KDM4C: variants seen among roughly 807,000 people sequenced by gnomAD.
The protein encoded by KDM4C is lysine demethylase 4C.
In KDM4C, 81 loss-of-function variants were observed where a neutral mutation model predicts 129.3. The observed-to-expected ratio is 0.63, with a 90% CI of 0.52 to 0.75. The LOEUF (loss-of-function observed/expected upper bound fraction) is 0.75, where lower values mean the gene tolerates loss of function less well. KDM4C is among the 30% of genes least tolerant of loss of function. The probability of loss-of-function intolerance (pLI) is 0.00; values close to 1 mark genes in which losing one functional copy is unlikely to be tolerated. For missense variants in KDM4C, 1,457 were observed against 1,304.0 expected, an observed-to-expected ratio of 1.12 and a Z score of -1.81; for synonymous variants, 573 against 456.1, an observed-to-expected ratio of 1.26 and a Z score of -3.26.
chr9:7,027,928 C>G (rs80217487), intron 15 of KDM4C, among the ~76,000 whole-genome samples: 155 of 152,272 alleles, frequency 1.0e-3, no homozygotes, highest in African/African-American at 3.7e-3. Flanking sequence ...AGTTAAGGCC[C>G]TAGGGCTCTT....
chr9:6,722,503 C>T (rs911316810), intron 1 of KDM4C, among the ~76,000 whole-genome samples: 3 of 149,176 alleles, frequency 2.0e-5, no homozygotes, highest in South Asian at 2.1e-4. Context: ...CATGGCAAAA[C>T]CCTATGTCTA....
intron 8 of KDM4C, among the ~76,000 whole-genome samples, chr9:6,975,608 CTT>C (rs1369232573): frequency 6.6e-6 from 1 of 152,082 alleles, no homozygotes; most frequent in Non-Finnish European, 1.5e-5. Context: ...TTAAGGGACT[CTT>C]ATTCTCTAGG....
intron 1 of KDM4C, among the ~76,000 whole-genome samples, chr9:6,748,167 A>G (rs867239413): frequency 2.0e-4 from 23 of 117,730 alleles, no homozygotes; most frequent in Non-Finnish European, 2.2e-4. Context: ...CTTGGTCTCA[A>G]AAAAAAAACA....
chr9:6,992,545 A>G (rs1290812754), intron 12 of KDM4C, among the ~76,000 whole-genome samples: 1 of 152,206 alleles, frequency 6.6e-6, no homozygotes, highest in Non-Finnish European at 1.5e-5. Context: ...AAGCTTTCAA[A>G]CTGGCAACAG....
intron 17 of KDM4C, among the ~76,000 whole-genome samples, chr9:7,055,992 C>T (rs1024973792): frequency 1.3e-4 from 20 of 152,138 alleles, no homozygotes; most frequent in South Asian, 6.2e-4. Context: ...TAAAGGCAAT[C>T]AGAAAAAGTC....
chr9:7,040,377 G>C (rs1032799155), intron 15 of KDM4C, among the ~76,000 whole-genome samples: 1 of 86,582 alleles, frequency 1.2e-5, no homozygotes, highest in Non-Finnish European at 2.5e-5. Context: ...CTCTGTGTGT[G>C]TGTGTGTGTG....
chr9:7,147,683 G>A (rs1252437957), intron 19 of KDM4C, among the ~76,000 whole-genome samples: 3 of 152,206 alleles, frequency 2.0e-5, no homozygotes, highest in Admixed American at 2.0e-4. Context: ...AGTCATCAGG[G>A]CCGATGTTGG....
At position 6,852,304 on chromosome 9, in the gene KDM4C, A is replaced by G. The variant is rs148164652; in HGVS notation, c.629+2604A>G. Reference sequence around the variant, plus strand: ...GGAGGCAGGCGGTTTGGCAGAGCTTAGGACACGAGGGCCCAGTAATCAGGG... The same window carrying G: ...GGAGGCAGGCGGTTTGGCAGAGCTTGGGACACGAGGGCCCAGTAATCAGGG... On this transcript the variant is annotated intron_variant, in intron 5 of 21. Coordinates refer to ENST00000381309, the MANE Select transcript of KDM4C (RefSeq NM_015061.6). Among the ~76,000 whole-genome samples the G allele has an allele frequency of 2.2e-4, 33 of 152,348 alleles. No homozygotes were observed. The East Asian group carries it at 6.4e-3, about 29-fold the overall frequency.
intron 15 of KDM4C, among the ~76,000 whole-genome samples, chr9:7,019,789 TTTTAG>T (rs1824441611): frequency 6.9e-6 from 1 of 144,386 alleles, no homozygotes; most frequent in East Asian, 2.0e-4. Flanking sequence ...TATAAAAATA[TTTTAG>T]AAGCAAAGAC....
intron 17 of KDM4C, among the ~76,000 whole-genome samples, chr9:7,065,490 A>T (rs1832295800): frequency 6.6e-6 from 1 of 152,150 alleles, no homozygotes; most frequent in Non-Finnish European, 1.5e-5. Flanking sequence ...CTTTGGACAA[A>T]GCAAAAAAGT....
chr9:6,977,343 A>T (rs955305468), intron 8 of KDM4C, among the ~76,000 whole-genome samples: 3 of 152,164 alleles, frequency 2.0e-5, no homozygotes, highest in African/African-American at 7.2e-5. Context: ...TTATAATATG[A>T]TATGTTCGAA....
At chr9:7,042,749 T>C (rs1828804577) in intron 15 of KDM4C, among the ~76,000 whole-genome samples, 1 of 152,060 alleles carries the variant, frequency 6.6e-6, no homozygotes, top group Non-Finnish European at 1.5e-5. Flanking sequence ...CCTTGCCTTA[T>C]GCTTTGGGGC....
At chr9:6,848,208 A>G (rs140344015) in intron 4 of KDM4C, among the ~76,000 whole-genome samples, 1,535 of 152,322 alleles carry the variant, frequency 0.01, 15 homozygotes, top group Non-Finnish European at 0.013. Flanking sequence ...CGCTTCTCTA[A>G]TAGTGCATTA....
chr9:6,856,617 G>A (rs923139490), intron 5 of KDM4C, among the ~76,000 whole-genome samples: 5 of 149,862 alleles, frequency 3.3e-5, no homozygotes, highest in East Asian at 2.0e-4. Flanking sequence ...TCTGTTTCCC[G>A]GGCTGAATGC....
intron 15 of KDM4C, among the ~76,000 whole-genome samples, chr9:7,021,748 AGT>A (rs1224404672): frequency 1.3e-5 from 2 of 152,110 alleles, no homozygotes; most frequent in African/African-American, 4.8e-5. Flanking sequence ...TATTCTGGAG[AGT>A]TTCCCAATAT....
chr9:7,146,337 A>G (rs1842213624), intron 19 of KDM4C, among the ~76,000 whole-genome samples: 1 of 152,308 alleles, frequency 6.6e-6, no homozygotes, highest in Non-Finnish European at 1.5e-5. Flanking sequence ...ATAATCAGAA[A>G]AAGTTTTTTT....
At chr9:7,019,689 T>TAAAAATATTATATTTTTATATA (rs1824315213) in intron 15 of KDM4C, among the ~76,000 whole-genome samples, 1 of 122,558 alleles carries the variant, frequency 8.2e-6, no homozygotes, top group East Asian at 2.5e-4. Flanking sequence ...GACTATATTA[T>TAAAAATATTATATTTTTATATA]AAAAATATAA....
At chr9:7,096,182 T>A (rs1836412453) in intron 17 of KDM4C, among the ~76,000 whole-genome samples, 1 of 152,236 alleles carries the variant, frequency 6.6e-6, no homozygotes, top group South Asian at 2.1e-4. Flanking sequence ...AGTGATTGAT[T>A]TTTTTTCAAC....
At chr9:6,972,817 G>T (rs1832229417) in intron 8 of KDM4C, among the ~76,000 whole-genome samples, 1 of 152,170 alleles carries the variant, frequency 6.6e-6, no homozygotes, top group Non-Finnish European at 1.5e-5. Flanking sequence ...TTCAAGAAAT[G>T]TTTCCCCATA....
Sources: gnomAD v4.1 joint callset for allele counts (sites outside exome capture counted in the v4.1 genomes callset) on GRCh38, gnomAD v4.1.1 for gene constraint, MANE v1.5 for transcripts, NCBI Gene and HGNC (gene_info 2026-07-23, HGNC 2026-07-21) for gene names.